HTT: variants seen among roughly 807,000 people sequenced by gnomAD.
HTT encodes the protein huntingtin.
HTT carries 104 observed loss-of-function variants against 362.3 expected under a neutral mutation model. The ratio of observed to expected loss-of-function variants is 0.29; its 90% CI spans 0.24 to 0.34. The LOEUF is 0.34. HTT is among the 10% of genes least tolerant of loss of function. HTT has a pLI of 1.00. For missense variants in HTT, 3,301 were observed against 3,928.6 expected, an observed-to-expected ratio of 0.84 and a Z score of 4.27; for synonymous variants, 1,577 against 1,548.7, an observed-to-expected ratio of 1.02 and a Z score of -0.43.
chr4:3,107,911 A>G (rs1714520489), intron 6 of HTT, among the ~76,000 whole-genome samples: 1 of 152,228 alleles, frequency 6.6e-6, no homozygotes, highest in South Asian at 2.1e-4. Context: ...CATGCTCTAC[A>G]GATTACAGGA....
At chr4:3,115,889 G>A (rs944909258) in intron 7 of HTT, among the ~76,000 whole-genome samples, 196 bp from the exon 8 acceptor site, 1 of 152,250 alleles carries the variant, frequency 6.6e-6, no homozygotes, top group African/African-American at 2.4e-5. Context: ...CAAAGGCAGT[G>A]AGGCTCTCTG....
chr4:3,122,073 A>G (rs1282566388), intron 9 of HTT, among the ~76,000 whole-genome samples: 1 of 152,228 alleles, frequency 6.6e-6, no homozygotes, highest in Non-Finnish European at 1.5e-5. Context: ...AAGTCGTCAG[A>G]GGGATCTGAG....
intron 21 of HTT, among the ~76,000 whole-genome samples, chr4:3,138,620 TA>T (rs1716196417): frequency 1.3e-5 from 2 of 152,234 alleles, no homozygotes; most frequent in Admixed American, 6.5e-5. Flanking sequence ...TTTATTTATT[TA>T]TTTTTTTTGA....
chr4:3,090,804 C>G (rs540166743), intron 2 of HTT, among the ~76,000 whole-genome samples: 1 of 152,218 alleles, frequency 6.6e-6, no homozygotes, highest in Admixed American at 6.5e-5. Flanking sequence ...TACATAATTG[C>G]AAAGAATATC....
At position 3,206,547 on chromosome 4, in the gene HTT, A is replaced by G; in HGVS notation, c.5770A>G (p.Ile1924Val). ...CTTAACGTGGCTCATTGTAAATCAC[A>G]TTCAAGATCTGATCAGCCTTTCCCA... ...EHLTWLIVNHIQDLISLSHEP... is the reference protein window; with the variant it reads ...EHLTWLIVNHVQDLISLSHEP... Residue 1924 changes from isoleucine (I) to valine (V), a missense_variant, in exon 43 of 67, where the codon ATT (isoleucine) becomes GTT (valine). Transcript: ENST00000355072. The surrounding 1 kb of genome is among the most constrained non-coding windows in gnomAD (Gnocchi z 4.6). 1 of 1,614,100 alleles carries G rather than the reference A, an allele frequency of 6.2e-7. No homozygotes were observed. The highest frequency in any genetic ancestry group is 2.2e-5 in the East Asian group (1 of 44,862).
chr4:3,092,154 C>T (rs868292141), intron 2 of HTT, among the ~76,000 whole-genome samples: 1 of 152,060 alleles, frequency 6.6e-6, no homozygotes, highest in South Asian at 2.1e-4. Flanking sequence ...TCCTGAGTAG[C>T]TGGGATTACA....
chr4:3,111,904 C>T (rs149257480), intron 6 of HTT, among the ~76,000 whole-genome samples: 4 of 152,322 alleles, frequency 2.6e-5, no homozygotes, highest in African/African-American at 9.6e-5. Context: ...CCGAGCTCTT[C>T]TTGGCGTCTG....
intron 37 of HTT, among the ~76,000 whole-genome samples, chr4:3,184,598 T>TG (rs1560584112): frequency 1.3e-5 from 2 of 151,900 alleles, no homozygotes; most frequent in Non-Finnish European, 2.9e-5. Context: ...AGCAGGGCTT[T>TG]GGGGGTGATT....
chr4:3,236,293 C>T (rs916164031), intron 64 of HTT, 39 bp downstream of exon 64: 4 of 1,414,490 alleles, frequency 2.8e-6, no homozygotes, highest in Non-Finnish European at 3.0e-6. Context: ...GTTAGCTTCC[C>T]TAGAACTTTG....
rs111446376 is a variant in HTT at position 3,105,824 on chromosome 4, T to C, written c.608+388T>C. Among the ~76,000 whole-genome samples, 49 of 152,386 alleles carry C rather than the reference T, an allele frequency of 3.2e-4. 2 individuals carry two copies. The highest frequency in any genetic ancestry group is 1.1e-3 in the African/African-American group (47 of 41,590). Reference sequence around the variant, plus strand: ...TCATTATTGCTGACTATAGGAGTTATAGCAAAATATCCATTTGTCTGTTAC... The same window carrying C: ...TCATTATTGCTGACTATAGGAGTTACAGCAAAATATCCATTTGTCTGTTAC... On this transcript the variant is annotated intron_variant, in intron 5 of 66. Coordinates refer to ENST00000355072, the MANE Select transcript of HTT (RefSeq NM_001388492.1).
rs1713876734 is a variant in HTT at position 3,096,763 on chromosome 4, C to CA, written c.348-2508dup. Among the ~76,000 whole-genome samples, 9 of 152,296 alleles carry CA rather than the reference C, an allele frequency of 5.9e-5. 1 individual carries two copies. The South Asian group carries it at 1.9e-3, about 32-fold the overall frequency. ...TGCCTGTTTTAGGAAAGAAAGATTT[C>CA]AAATCAATGACCTCAGCTTCTACCT... On this transcript the variant is annotated intron_variant, in intron 2 of 66. Coordinates refer to ENST00000355072, the MANE Select transcript of HTT (RefSeq NM_001388492.1).
intron 10 of HTT, among the ~76,000 whole-genome samples, chr4:3,125,249 A>G (rs1715468800): frequency 6.6e-6 from 1 of 152,130 alleles, no homozygotes; most frequent in Non-Finnish European, 1.5e-5. Context: ...AGTAATATAG[A>G]TTATTTAATA....
intron 48 of HTT, 73 bp downstream of exon 48, chr4:3,212,215 A>G (rs1720192431): frequency 8.6e-7 from 1 of 1,164,876 alleles, no homozygotes; most frequent in Non-Finnish European, 1.2e-6. Flanking sequence ...CACCAAGTAA[A>G]TGTACAATAA....
At chr4:3,182,168 G>A (rs548794993) in intron 36 of HTT, among the ~76,000 whole-genome samples, 186 bp from the exon 37 acceptor site, 1 of 152,310 alleles carries the variant, frequency 6.6e-6, no homozygotes, top group South Asian at 2.1e-4. Flanking sequence ...GTTTCGTTCT[G>A]ATTCCCCTAC....
rs1474469940 is a variant in HTT at position 3,240,409 on chromosome 4, C to T, written c.*350C>T. On this transcript the variant is annotated 3_prime_UTR_variant, in exon 67 of 67. Coordinates refer to ENST00000355072, the MANE Select transcript of HTT (RefSeq NM_001388492.1). ...TGCATCTGGGCCAGAAGTCCTCCCT[C>T]CTGCAGGCTGGCTGTTGGCCCCTCT... 6 of 341,704 alleles carry T rather than the reference C, an allele frequency of 1.8e-5. No individual in the cohort carries two copies. The highest frequency in any genetic ancestry group is 2.8e-5 in the Non-Finnish European group (5 of 180,974). 21.2% of individuals were successfully genotyped at this position (341,704 alleles called of 1,614,324 possible). A position where few individuals can be genotyped will look rare whatever the true frequency, so the allele number is the denominator to read the frequency against.
At chr4:3,107,516 G>A (rs1714493349) in intron 6 of HTT, 93 bp downstream of exon 6, 2 of 1,277,392 alleles carry the variant, frequency 1.6e-6, no homozygotes, top group Admixed American at 3.6e-5. Flanking sequence ...TCCTGTGGGA[G>A]TGCTTCTTGG....
chr4:3,209,240 T>A lies in HTT; in HGVS notation c.6291+329T>A, dbSNP rs3025824. On this transcript the variant is annotated intron_variant, in intron 46 of 66. Transcript: ENST00000355072. ...TAGCCTCCCTCCATCTCCTCATACC[T>A]TCTGGCCACCTGTGAGTTGCACTGC... Among the ~76,000 whole-genome samples the A allele has an allele frequency of 3.1e-3, 469 of 152,232 alleles. 3 individuals carry two copies. The highest frequency in any genetic ancestry group is 0.011 in the African/African-American group (456 of 41,548).
rs532677433 is a variant in HTT at position 3,241,322 on chromosome 4, G to A, written c.*1263G>A. ...AGGAGAGTGCAGATCTGTGCTCATC[G>A]GAGACTGCCCCACGGCCCTGTCAGA... On this transcript the variant is annotated 3_prime_UTR_variant, in exon 67 of 67. Coordinates refer to ENST00000355072, the MANE Select transcript of HTT (RefSeq NM_001388492.1). 1.3e-5 allele frequency: 2 copies of A among 152,388 alleles called. No individual in the cohort carries two copies. The highest frequency in any genetic ancestry group is 2.4e-5 in the African/African-American group (1 of 41,452). The allele number at this position is 152,388 out of a possible 1,614,324, so 9.4% of individuals were successfully genotyped here. A position where few individuals can be genotyped will look rare whatever the true frequency, so the allele number is the denominator to read the frequency against.
chr4:3,131,683 C>G lies in HTT; in HGVS notation c.2144C>G (p.Ala715Gly). The change falls in exon 16 of 67, where the codon GCC (alanine) becomes GGC (glycine). Residue 715 changes from alanine (A) to glycine (G), a missense_variant. Around this residue, in one of 4 missense-constraint regions of HTT, gnomAD observed 2,316 missense variants for 2,658.5 expected, o/e 0.87. Transcript: ENST00000355072. ...RDVRVSVKAL[A>G]LSCVGAAVAL... ...GTGAGGGTCAGCGTGAAGGCCCTGG[C>G]CCTCAGCTGTGTGGGAGCAGCTGTG... 6.8e-6 allele frequency: 11 copies of G among 1,613,960 alleles called. No individual in the cohort carries two copies. The highest frequency in any genetic ancestry group is 9.3e-6 in the Non-Finnish European group (11 of 1,179,910).
Sources: allele counts gnomAD v4.1 joint callset (sites outside exome capture counted in the v4.1 genomes callset), GRCh38; gene constraint gnomAD v4.1.1; regional missense constraint gnomAD v4.1.1; non-coding constraint Gnocchi (gnomAD v3.1); transcripts MANE v1.5; gene names NCBI Gene and HGNC (gene_info 2026-07-23, HGNC 2026-07-21).